Variants in ADAMTS12 observed in about 807,000 individuals in gnomAD.
The protein encoded by ADAMTS12 is A disintegrin and metalloproteinase with thrombospondin motifs 12.
In ADAMTS12, 118 loss-of-function variants were observed where a neutral mutation model predicts 167.8. The observed-to-expected ratio is 0.70, with a 90% confidence interval of 0.61 to 0.82. The LOEUF is 0.82. Among genes scored for constraint, ADAMTS12 ranks in the 40% least tolerant of loss-of-function variants. ADAMTS12 has a pLI of 0.00. For synonymous variants in ADAMTS12, 704 were observed against 716.9 expected (o/e 0.98, Z 0.29); for missense variants, 1,916 against 1,998.8 (o/e 0.96, Z 0.79).
intron 8 of ADAMTS12, 123 bp downstream of exon 8, chr5:33,649,431 G>T: frequency 8.0e-7 from 1 of 1,255,996 alleles, no homozygotes; most frequent in Non-Finnish European, 1.1e-6. Flanking sequence ...ATGCCACCCT[G>T]ACATGGTGGC....
Position 33,810,748 on chromosome 5 carries a change from C to G in ADAMTS12, c.490-59200G>C, listed in dbSNP as rs1425633711. On this transcript the variant is annotated intron_variant, in intron 2 of 23. Transcript: ENST00000504830. The stretch of plus-strand genomic sequence containing the variant: ...GAGGGGAAAAGTCTTTCTTCTGCCC[C>G]ACTTCTTGTCTCAGGACTCAGAATA... Among the ~76,000 whole-genome samples, 3 of 152,186 alleles carry G rather than the reference C, an allele frequency of 2.0e-5. No homozygotes were observed. In the East Asian group the frequency reaches 5.8e-4, roughly 29 times the overall value.
intron 2 of ADAMTS12, among the ~76,000 whole-genome samples, chr5:33,761,496 G>A (rs1716670689): frequency 6.6e-6 from 1 of 152,216 alleles, no homozygotes; most frequent in Non-Finnish European, 1.5e-5. Flanking sequence ...TTCACCAAGA[G>A]TCACAGCAGA....
Position 33,570,857 on chromosome 5 carries a change from A to T in ADAMTS12, c.3972+5197T>A, listed in dbSNP as rs1260630109. 1.6e-3 allele frequency among the ~76,000 whole-genome samples: 235 copies of T among 151,030 alleles called. 2 individuals are homozygous for T. The highest frequency in any genetic ancestry group is 2.7e-3 in the Non-Finnish European group (180 of 67,772). On this transcript the variant is annotated intron_variant, in intron 19 of 23. Transcript: ENST00000504830. ...GTGCTGTATTCAGGAAACCCATCTC[A>T]CGTGCAGAGACACACATAGGCTCAA... is the stretch of plus-strand genomic sequence containing the variant.
At position 33,678,737 on chromosome 5, in the gene ADAMTS12, A is replaced by G. The variant is rs142977043; in HGVS notation, c.915+4281T>C. Among the ~76,000 whole-genome samples, 367 of 152,298 alleles carry G rather than the reference A, an allele frequency of 2.4e-3. 3 individuals carry two copies. Among genetic ancestry groups the G allele is most frequent in the African/African-American group, 8.2e-3 (341 of 41,566 alleles). ...CACTGGACTAAACGAAGCCAGGTGT[A>G]GGGGTTGGAGAAAGGGTGGCAGGAG... On this transcript the variant is annotated intron_variant, in intron 5 of 23. Transcript: ENST00000504830.
chr5:33,582,884 A>G (rs779275359), intron 18 of ADAMTS12, among the ~76,000 whole-genome samples: 6 of 152,226 alleles, frequency 3.9e-5, no homozygotes, highest in Admixed American at 1.3e-4. Context: ...GTATATATTT[A>G]TGGGGTACAT....
intron 13 of ADAMTS12, among the ~76,000 whole-genome samples, chr5:33,624,799 C>T (rs559889559): frequency 1.3e-5 from 2 of 152,290 alleles, no homozygotes; most frequent in South Asian, 4.1e-4. Flanking sequence ...CCGTATCTGA[C>T]CTTCACCTGG....
rs1743678991 is a variant in ADAMTS12 at position 33,523,617 on chromosome 5, A to T, written c.*3571T>A. On this transcript the variant is annotated 3_prime_UTR_variant, in exon 24 of 24. Coordinates refer to ENST00000504830, the MANE Select transcript of ADAMTS12 (RefSeq NM_030955.4). ...TAAGTACTGAAATATCCACCAAGGT[A>T]CCCCTTGAGGAGGCTGGGTAGAAGG... 6.6e-6 allele frequency: 1 copy of T among 152,188 alleles called. No individual in the cohort carries two copies. Among genetic ancestry groups the T allele is most frequent in the Non-Finnish European group, 1.5e-5 (1 of 68,052 alleles). The allele number at this position is 152,188 out of a possible 1,614,324, so 9.4% of individuals were successfully genotyped here. A position where few individuals can be genotyped will look rare whatever the true frequency, so the allele number is the denominator to read the frequency against.
intron 2 of ADAMTS12, among the ~76,000 whole-genome samples, chr5:33,818,628 T>C (rs1255999642): frequency 6.6e-6 from 1 of 152,082 alleles, no homozygotes; most frequent in African/African-American, 2.4e-5. Flanking sequence ...AGTTCTATTT[T>C]TAATTTCTTT....
chr5:33,537,605 A>G (rs1186113723), intron 22 of ADAMTS12, among the ~76,000 whole-genome samples: 2 of 152,256 alleles, frequency 1.3e-5, no homozygotes, highest in Non-Finnish European at 2.9e-5. Context: ...CTGAAATTGT[A>G]TCCTTCGGTA....
At position 33,805,579 on chromosome 5, in the gene ADAMTS12, T is replaced by C. The variant is rs1057488248; in HGVS notation, c.490-54031A>G. Among the ~76,000 whole-genome samples, 4 of 152,306 alleles carry C rather than the reference T, an allele frequency of 2.6e-5. 1 individual carries two copies. Among genetic ancestry groups the C allele is most frequent in the South Asian group, 4.2e-4 (2 of 4,818 alleles). Reference sequence around the variant, plus strand: ...GTGCTGAATCTGCAGACCATCCTAATGGAGTGAGGTCTCCTAAGGGGAGCG... The same window carrying C: ...GTGCTGAATCTGCAGACCATCCTAACGGAGTGAGGTCTCCTAAGGGGAGCG... On this transcript the variant is annotated intron_variant, in intron 2 of 23. Coordinates refer to ENST00000504830, the MANE Select transcript of ADAMTS12 (RefSeq NM_030955.4).
chr5:33,593,593 C>T (rs1334853774), intron 17 of ADAMTS12, among the ~76,000 whole-genome samples: 1 of 151,972 alleles, frequency 6.6e-6, no homozygotes, highest in Non-Finnish European at 1.5e-5. Context: ...AACCAAATAC[C>T]ATGTCATGTT....
chr5:33,688,311 G>C (rs764117687), intron 3 of ADAMTS12, among the ~76,000 whole-genome samples: 5 of 151,514 alleles, frequency 3.3e-5, no homozygotes, highest in Non-Finnish European at 7.4e-5. Flanking sequence ...CCAGCCAAAC[G>C]GGCAGCTTAA....
chr5:33,707,748 A>G (rs555402541), intron 3 of ADAMTS12, among the ~76,000 whole-genome samples: 2 of 152,310 alleles, frequency 1.3e-5, no homozygotes, highest in East Asian at 1.9e-4. Flanking sequence ...CTGGCTAGCC[A>G]TATGCAGAAA....
In ADAMTS12 at chr5:33,651,222, A is replaced by G. The variant is rs1740858949; in HGVS notation, c.1191-1525T>C. Reference sequence around the variant, plus strand: ...AGGTACTCTACAAGTTTGACTGTTCAGTAGTTAAAATCCTAAACTGCAAGC... The same window carrying G: ...AGGTACTCTACAAGTTTGACTGTTCGGTAGTTAAAATCCTAAACTGCAAGC... On this transcript the variant is annotated intron_variant, in intron 7 of 23. Coordinates refer to ENST00000504830, the MANE Select transcript of ADAMTS12 (RefSeq NM_030955.4). Among the ~76,000 whole-genome samples, 4 of 152,336 alleles carry G rather than the reference A, an allele frequency of 2.6e-5. 1 individual carries two copies. The South Asian group carries it at 8.3e-4, about 32-fold the overall frequency.
At chr5:33,823,684 A>G (rs1212396272) in intron 2 of ADAMTS12, among the ~76,000 whole-genome samples, 1 of 151,326 alleles carries the variant, frequency 6.6e-6, no homozygotes. Flanking sequence ...GAAACTTCAC[A>G]TGTTTAGGTG....
chr5:33,889,721 G>A (rs1750775770), intron 1 of ADAMTS12, among the ~76,000 whole-genome samples: 1 of 152,174 alleles, frequency 6.6e-6, no homozygotes, highest in African/African-American at 2.4e-5. Context: ...AAGAGGCCAA[G>A]GTGGGCAGAT....
intron 2 of ADAMTS12, among the ~76,000 whole-genome samples, chr5:33,862,978 G>A (rs146973985): frequency 4.6e-5 from 7 of 152,072 alleles, no homozygotes; most frequent in African/African-American, 1.7e-4. Context: ...AAAGGCCTTC[G>A]ATAAAATTCA....
At chr5:33,816,280 A>G (rs1447412726) in intron 2 of ADAMTS12, among the ~76,000 whole-genome samples, 1 of 152,210 alleles carries the variant, frequency 6.6e-6, no homozygotes, top group Non-Finnish European at 1.5e-5. Flanking sequence ...GCCAGTGAAC[A>G]CATCCATCAT....
rs535403076 is a variant in ADAMTS12, at chr5:33,631,025, A to T, written c.1889-112T>A. ...AAGTGTCATTTACTCTGGCAATCCC[A>T]CCTTTTCACCTCCTTGAGACACATG... On this transcript the variant is annotated intron_variant, in intron 12 of 23. Transcript: ENST00000504830. 3 of 1,254,762 alleles carry T rather than the reference A, an allele frequency of 2.4e-6. No individual in the cohort carries two copies. The African/African-American group carries it at 4.4e-5, about 19-fold the overall frequency. The allele number at this position is 1,254,762 out of a possible 1,614,324, so 77.7% of individuals were successfully genotyped here.
Sources: gnomAD v4.1 joint callset for allele counts (sites outside exome capture counted in the v4.1 genomes callset) on GRCh38, gnomAD v4.1.1 for gene constraint, MANE v1.5 for transcripts, NCBI Gene and HGNC (gene_info 2026-07-23, HGNC 2026-07-21) for gene names.